Variants in PCDHGB2 observed in about 807,000 individuals in gnomAD.
PCDHGB2 encodes protocadherin gamma-B2.
Under a neutral mutation model 59.3 loss-of-function variants are expected in PCDHGB2, and 55 were observed. The ratio of observed to expected loss-of-function variants is 0.93; its 90% CI spans 0.75 to 1.16. The LOEUF is 1.16. Ranked by LOEUF, PCDHGB2 falls within the 50% of genes most tolerant of loss-of-function variation. PCDHGB2 has a pLI of 0.00. For synonymous variants in PCDHGB2, 516 were observed against 512.0 expected, an observed-to-expected ratio of 1.01 and a Z score of -0.11; for missense variants, 1,228 against 1,198.5, an observed-to-expected ratio of 1.02 and a Z score of -0.36.
At chr5:141,387,385 T>C (rs998102373) in intron 1 of PCDHGB2, among the ~76,000 whole-genome samples, 4 of 152,206 alleles carry the variant, frequency 2.6e-5, no homozygotes, top group African/African-American at 9.6e-5. Flanking sequence ...TTTATATAGA[T>C]AGTGCATGTT....
intron 1 of PCDHGB2, chr5:141,398,027 T>G: frequency 6.9e-7 from 1 of 1,449,556 alleles, no homozygotes; most frequent in Non-Finnish European, 9.2e-7. Context: ...AAACTGGAAC[T>G]GGAACTAAAG....
chr5:141,398,587 C>T, intron 1 of PCDHGB2: 5 of 1,613,860 alleles, frequency 3.1e-6, no homozygotes, highest in Non-Finnish European at 3.4e-6. Context: ...AAGATTTATA[C>T]TAGAAGTAGC....
At chr5:141,410,668 T>C in intron 1 of PCDHGB2, 2 of 1,565,640 alleles carry the variant, frequency 1.3e-6, no homozygotes, top group African/African-American at 2.7e-5. Context: ...TCTACTAGTT[T>C]CTCATATTTT....
chr5:141,415,301 T>C, intron 1 of PCDHGB2: 1 of 1,614,230 alleles, frequency 6.2e-7, no homozygotes, highest in South Asian at 1.1e-5. Context: ...TGCGTCTTCC[T>C]GGCCTTCGTC....
chr5:141,461,595 A>C (rs2099018386), intron 1 of PCDHGB2, among the ~76,000 whole-genome samples: 1 of 152,144 alleles, frequency 6.6e-6, no homozygotes, highest in East Asian at 1.9e-4. Flanking sequence ...TATTTCCATT[A>C]TAATTTAGTT....
At chr5:141,449,521 G>A (rs1238503983) in intron 1 of PCDHGB2, among the ~76,000 whole-genome samples, 4 of 150,262 alleles carry the variant, frequency 2.7e-5, no homozygotes, top group African/African-American at 9.8e-5. Flanking sequence ...CCTGGGAGGC[G>A]GAGGTTGCAG....
At chr5:141,456,860 G>A (rs1345260160) in intron 1 of PCDHGB2, among the ~76,000 whole-genome samples, 1 of 152,170 alleles carries the variant, frequency 6.6e-6, no homozygotes, top group African/African-American at 2.4e-5. Flanking sequence ...CTAATTGGGA[G>A]GCTGAGGCAG....
chr5:141,418,350 T>A, intron 1 of PCDHGB2: 1 of 1,614,002 alleles, frequency 6.2e-7, no homozygotes, highest in Non-Finnish European at 8.5e-7. Context: ...GATATTAGTA[T>A]GAATTCGCTG....
At chr5:141,488,260 G>A (rs1297588710) in intron 1 of PCDHGB2, among the ~76,000 whole-genome samples, 2 of 152,182 alleles carry the variant, frequency 1.3e-5, no homozygotes, top group Non-Finnish European at 1.5e-5. Context: ...AGGTTGGGGC[G>A]GGTTGGTCAT....
At chr5:141,507,447 G>A (rs998019159) in intron 3 of PCDHGB2, among the ~76,000 whole-genome samples, 1 of 152,226 alleles carries the variant, frequency 6.6e-6, no homozygotes, top group Non-Finnish European at 1.5e-5. Flanking sequence ...GCTGACGGAA[G>A]GACAGAGAGA....
At chr5:141,452,490 C>A (rs2098742307) in intron 1 of PCDHGB2, among the ~76,000 whole-genome samples, 1 of 152,188 alleles carries the variant, frequency 6.6e-6, no homozygotes, top group East Asian at 1.9e-4. Flanking sequence ...TAAACACACC[C>A]ATATTTATAT....
Position 141,360,169 on chromosome 5 carries a change from C to T in PCDHGB2, c.34C>T (p.Arg12Trp). 3 of 1,607,588 alleles carry T rather than the reference C, an allele frequency of 1.9e-6. No individual in the cohort carries two copies. The highest frequency in any genetic ancestry group is 1.7e-5 in the Admixed American group (1 of 59,100). ...KASSGRCGLV[R>W]WLQVLLPFLL... ...GAGCTCAGGGAGGTGCGGGCTGGTG[C>T]GGTGGCTGCAGGTACTGTTGCCCTT... Residue 12 changes from arginine to tryptophan, a missense_variant, in exon 1 of 4, where the codon CGG becomes TGG. Arg to Trp is a moderately radical substitution (Grantham distance 101, BLOSUM62 -3). Around this residue, in one of 3 missense-constraint regions of PCDHGB2, gnomAD observed 781 missense variants for 721.6 expected, o/e 1.08. Transcript: ENST00000522605.
chr5:141,441,750 A>C, intron 1 of PCDHGB2: 1 of 374,962 alleles, frequency 2.7e-6, no homozygotes, highest in South Asian at 2.1e-5. Context: ...GCTCGGCGTC[A>C]ACGTGAGCCT....
intron 1 of PCDHGB2, among the ~76,000 whole-genome samples, chr5:141,452,165 C>G (rs917431071): frequency 2.6e-5 from 4 of 152,120 alleles, no homozygotes; most frequent in African/African-American, 9.7e-5. Flanking sequence ...TATTCTATTA[C>G]TAACATTTTT....
At chr5:141,415,701 T>C in intron 1 of PCDHGB2, 2 of 1,506,520 alleles carry the variant, frequency 1.3e-6, no homozygotes, top group Non-Finnish European at 1.8e-6. Context: ...AAAGTGTAAA[T>C]GCTAAAACAC....
At chr5:141,385,865 G>T (rs1329915375) in intron 1 of PCDHGB2, 1 of 152,944 alleles carries the variant, frequency 6.5e-6, no homozygotes, top group Admixed American at 6.5e-5. Context: ...GTAGTAGAAG[G>T]TTGGATTTAT....
intron 1 of PCDHGB2, chr5:141,421,487 C>A (rs1447180364): frequency 6.2e-7 from 1 of 1,613,976 alleles, no homozygotes; most frequent in East Asian, 2.2e-5. Context: ...AGCTTGATCA[C>A]GGCAGGCAGG....
intron 1 of PCDHGB2, chr5:141,416,273 T>C (rs891505781): frequency 8.5e-5 from 13 of 152,298 alleles, no homozygotes; most frequent in African/African-American, 3.1e-4. Flanking sequence ...CCTTTTTGCA[T>C]ACAATTCTCT....
rs1224518135 is a variant in PCDHGB2 at position 141,360,168 on chromosome 5, G to A, written c.33G>A (p.Val11=). The change falls in exon 1 of 4, where the codon GTG becomes GTA. Residue 11 remains valine, a synonymous_variant. Transcript: ENST00000522605. Reference sequence around the variant, plus strand: ...CGAGCTCAGGGAGGTGCGGGCTGGTGCGGTGGCTGCAGGTACTGTTGCCCT... The same window carrying A: ...CGAGCTCAGGGAGGTGCGGGCTGGTACGGTGGCTGCAGGTACTGTTGCCCT... MKASSGRCGL[V]RWLQVLLPFL... The A allele has an allele frequency of 1.2e-6, 2 of 1,608,034 alleles. No homozygotes were observed. Among genetic ancestry groups the A allele is most frequent in the East Asian group, 2.2e-5 (1 of 44,690 alleles).
Sources: allele counts gnomAD v4.1 joint callset (sites outside exome capture counted in the v4.1 genomes callset), GRCh38; gene constraint gnomAD v4.1.1; regional missense constraint gnomAD v4.1.1; transcripts MANE v1.5; gene names NCBI Gene and HGNC (gene_info 2026-07-23, HGNC 2026-07-21).